DLG2: variants seen among roughly 807,000 people sequenced by gnomAD.
DLG2 encodes the protein disks large homolog 2.
Under a neutral mutation model 132.5 loss-of-function variants are expected in DLG2, and 45 were observed. That is an observed-to-expected ratio of 0.34 (90% confidence interval 0.27 to 0.44). The LOEUF (loss-of-function observed/expected upper bound fraction) is 0.44, where lower values mean the gene tolerates loss of function less well. Ranked by LOEUF, DLG2 falls within the 20% of genes least tolerant of loss-of-function variation. The pLI, the probability that DLG2 is intolerant of heterozygous loss-of-function variation, is 1.00. For synonymous variants in DLG2, 424 were observed against 419.6 expected, an observed-to-expected ratio of 1.01 and a Z score of -0.13; for missense variants, 1,045 against 1,196.9, an observed-to-expected ratio of 0.87 and a Z score of 1.87.
intron 6 of DLG2, among the ~76,000 whole-genome samples, chr11:84,665,116 G>A (rs1217092262): frequency 6.6e-6 from 1 of 152,012 alleles, no homozygotes; most frequent in Non-Finnish European, 1.5e-5. Flanking sequence ...AAGCTATAGT[G>A]GTAACACAAA....
chr11:85,370,576 T>C, intron 3 of DLG2, among the ~76,000 whole-genome samples: 1 of 152,236 alleles, frequency 6.6e-6, no homozygotes, highest in East Asian at 1.9e-4. Flanking sequence ...AAAAGGTTTT[T>C]GCTTCTTTAA....
At chr11:83,979,149 A>G (rs1276660086) in intron 12 of DLG2, among the ~76,000 whole-genome samples, 1 of 152,154 alleles carries the variant, frequency 6.6e-6, no homozygotes, top group Non-Finnish European at 1.5e-5. Context: ...AGCTTACTGA[A>G]CACAAAGGTC....
At chr11:83,560,965 GC>G (rs2096599991) in intron 19 of DLG2, among the ~76,000 whole-genome samples, 1 of 151,196 alleles carries the variant, frequency 6.6e-6, no homozygotes, top group Non-Finnish European at 1.5e-5. Flanking sequence ...AAAGCATGAT[GC>G]TGGCATCTGC....
chr11:85,155,769 C>G (rs899740166), intron 4 of DLG2, among the ~76,000 whole-genome samples: 31 of 151,392 alleles, frequency 2.0e-4, no homozygotes, highest in African/African-American at 7.1e-4. Context: ...ACTTGAGAGG[C>G]TGAGGCAGGA....
intron 3 of DLG2, among the ~76,000 whole-genome samples, chr11:85,338,934 C>T (rs754222018): frequency 2.6e-5 from 4 of 151,948 alleles, no homozygotes; most frequent in African/African-American, 7.2e-5. Flanking sequence ...CCTCGTGATC[C>T]GCCCGCCTCG....
Position 83,508,403 on chromosome 11 carries a change from A to ATTTTTTTTTT in DLG2, c.2194-24185_2194-24176dup, listed in dbSNP as rs746968613. Among the ~76,000 whole-genome samples the ATTTTTTTTTT allele has an allele frequency of 3.9e-3, 312 of 80,174 alleles. 48 individuals are homozygous for ATTTTTTTTTT. Among genetic ancestry groups the ATTTTTTTTTT allele is most frequent in the African/African-American group, 0.014 (218 of 15,872 alleles). 52.6% of individuals were successfully genotyped at this position (80,174 alleles called of 152,430 possible). A position where few individuals can be genotyped will look rare whatever the true frequency, so the allele number is the denominator to read the frequency against. On this transcript the variant is annotated intron_variant, in intron 21 of 27. Coordinates refer to ENST00000376104, the MANE Select transcript of DLG2 (RefSeq NM_001142699.3). ...AGGTGCACACCACCACGCCTGGCTAATTTTTTTTTTTTTTTTTTTTTTAGT... is the reference window on the plus strand; with the variant it reads ...AGGTGCACACCACCACGCCTGGCTAATTTTTTTTTTTTTTTTTTTTTTTTTTTTTTTTAGT...
chr11:84,842,880 T>C (rs1283122557), intron 6 of DLG2, among the ~76,000 whole-genome samples: 1 of 151,954 alleles, frequency 6.6e-6, no homozygotes, highest in African/African-American at 2.4e-5. Flanking sequence ...CCACCATTTC[T>C]ATCCCAAACC....
intron 4 of DLG2, among the ~76,000 whole-genome samples, chr11:85,200,368 C>T (rs1185411286): frequency 6.6e-6 from 1 of 152,186 alleles, no homozygotes; most frequent in Non-Finnish European, 1.5e-5. Context: ...TATCCAGTGG[C>T]TCAGCTCCAG....
intron 6 of DLG2, among the ~76,000 whole-genome samples, chr11:85,034,189 T>C (rs1465367967): frequency 6.6e-6 from 1 of 151,900 alleles, no homozygotes; most frequent in African/African-American, 2.4e-5. Flanking sequence ...GCCATTCTCC[T>C]GCCTCAGCCT....
chr11:84,301,443 G>A (rs921618023), intron 7 of DLG2, among the ~76,000 whole-genome samples: 1 of 151,914 alleles, frequency 6.6e-6, no homozygotes, highest in Non-Finnish European at 1.5e-5. Flanking sequence ...GGATCACGAA[G>A]TCAGGAGATC....
intron 7 of DLG2, among the ~76,000 whole-genome samples, chr11:84,420,207 C>T (rs191142524): frequency 5.3e-5 from 8 of 152,268 alleles, no homozygotes; most frequent in African/African-American, 1.9e-4. Flanking sequence ...ACAAGTAAAA[C>T]TCAGCCAGGT....
chr11:83,666,040 T>C (rs1343266865), intron 18 of DLG2, among the ~76,000 whole-genome samples: 4 of 152,186 alleles, frequency 2.6e-5, no homozygotes, highest in Admixed American at 2.6e-4. Context: ...CTGCTTCCTG[T>C]CTTCACTAGC....
At chr11:84,796,635 C>A (rs917192782) in intron 6 of DLG2, among the ~76,000 whole-genome samples, 3 of 151,872 alleles carry the variant, frequency 2.0e-5, no homozygotes, top group African/African-American at 7.2e-5. Flanking sequence ...TTTATTTCTC[C>A]TTCATGCTTG....
chr11:84,135,176 T>C (rs2094558012), intron 9 of DLG2, among the ~76,000 whole-genome samples: 1 of 152,092 alleles, frequency 6.6e-6, no homozygotes, highest in Admixed American at 6.6e-5. Flanking sequence ...ACATGATAGG[T>C]GATCAGTAAA....
intron 3 of DLG2, among the ~76,000 whole-genome samples, chr11:85,397,394 C>T (rs897238037): frequency 6.6e-6 from 1 of 152,184 alleles, no homozygotes; most frequent in Non-Finnish European, 1.5e-5. Flanking sequence ...AACCACCTAA[C>T]ATCATAATGA....
At chr11:84,145,240 G>T (rs2095033219) in intron 9 of DLG2, among the ~76,000 whole-genome samples, 1 of 152,186 alleles carries the variant, frequency 6.6e-6, no homozygotes, top group Non-Finnish European at 1.5e-5. Flanking sequence ...ACAGTCATGT[G>T]TTGCTTAATG....
At chr11:83,742,116 C>A (rs1009932694) in intron 18 of DLG2, among the ~76,000 whole-genome samples, 3 of 151,898 alleles carry the variant, frequency 2.0e-5, no homozygotes, top group African/African-American at 7.3e-5. Context: ...ACTTCACAAA[C>A]GTTTTCTGAA....
intron 3 of DLG2, among the ~76,000 whole-genome samples, chr11:85,379,039 T>C (rs1381090355): frequency 6.6e-6 from 1 of 152,254 alleles, no homozygotes; most frequent in Non-Finnish European, 1.5e-5. Context: ...ATACATAACT[T>C]CAGAATTCAA....
intron 16 of DLG2, among the ~76,000 whole-genome samples, chr11:83,865,167 C>T (rs562194586): frequency 1.3e-5 from 2 of 152,238 alleles, no homozygotes; most frequent in South Asian, 2.1e-4. Flanking sequence ...TTTTGTCAGT[C>T]AGACTAAAAG....
Sources: allele counts gnomAD v4.1 joint callset (sites outside exome capture counted in the v4.1 genomes callset), GRCh38; gene constraint gnomAD v4.1.1; transcripts MANE v1.5; gene names NCBI Gene and HGNC (gene_info 2026-07-23, HGNC 2026-07-21).